SNTG1: variants seen among roughly 807,000 people sequenced by gnomAD.
The protein encoded by SNTG1 is gamma-1-syntrophin.
Under a neutral mutation model 74.7 loss-of-function variants are expected in SNTG1, and 39 were observed. That is an observed-to-expected ratio of 0.52 (90% CI 0.40 to 0.68). The LOEUF is 0.68. Ranked by LOEUF, SNTG1 falls within the 30% of genes least tolerant of loss-of-function variation. The pLI is 0.00. For synonymous variants in SNTG1, 254 were observed against 217.1 expected (o/e 1.17, Z -1.49); for missense variants, 685 against 609.5 (o/e 1.12, Z -1.30).
chr8:50,180,924 C>A (rs1390962610), intron 2 of SNTG1, among the ~76,000 whole-genome samples: 1 of 152,026 alleles, frequency 6.6e-6, no homozygotes, highest in Admixed American at 6.6e-5. Flanking sequence ...CCATGCCTGG[C>A]TAAATTTTTT....
intron 2 of SNTG1, among the ~76,000 whole-genome samples, chr8:50,333,847 C>CTAAGGTAA (rs1391572498): frequency 6.6e-6 from 1 of 152,170 alleles, no homozygotes; most frequent in Non-Finnish European, 1.5e-5. Context: ...ATTAAGACTA[C>CTAAGGTAA]TAAGGTAATT....
chr8:50,208,746 A>G (rs2131891170), intron 2 of SNTG1, among the ~76,000 whole-genome samples: 1 of 152,210 alleles, frequency 6.6e-6, no homozygotes, highest in South Asian at 2.1e-4. Flanking sequence ...AGCTTTTGTA[A>G]GGCAGGCCTG....
At chr8:50,566,852 T>C (rs907117450) in intron 12 of SNTG1, among the ~76,000 whole-genome samples, 2 of 152,060 alleles carry the variant, frequency 1.3e-5, no homozygotes. Flanking sequence ...AATTTGCTCC[T>C]TAGAAACAGA....
intron 2 of SNTG1, among the ~76,000 whole-genome samples, chr8:50,330,098 C>T (rs558420865): frequency 6.6e-6 from 1 of 152,244 alleles, no homozygotes; most frequent in South Asian, 2.1e-4. Context: ...AATTTCATCC[C>T]ATAATCCCCA....
At chr8:49,922,216 T>C (rs1806610722) in intron 1 of SNTG1, among the ~76,000 whole-genome samples, 1 of 152,166 alleles carries the variant, frequency 6.6e-6, no homozygotes, top group Non-Finnish European at 1.5e-5. Flanking sequence ...AACAGAAGTT[T>C]GCTTTTGTCT....
At chr8:50,738,942 C>T (rs181732206) in intron 17 of SNTG1, among the ~76,000 whole-genome samples, 29 of 152,108 alleles carry the variant, frequency 1.9e-4, no homozygotes, top group South Asian at 1.2e-3. Flanking sequence ...AAACATAAGA[C>T]GTAAAACCAT....
intron 2 of SNTG1, among the ~76,000 whole-genome samples, chr8:50,307,425 TA>T (rs1436139844): frequency 1.3e-5 from 2 of 152,050 alleles, no homozygotes; most frequent in Non-Finnish European, 2.9e-5. Flanking sequence ...ATTATAATTT[TA>T]ATTCATATTT....
At chr8:50,282,688 C>T (rs1286391332) in intron 2 of SNTG1, among the ~76,000 whole-genome samples, 13 of 152,152 alleles carry the variant, frequency 8.5e-5, no homozygotes, top group Admixed American at 2.0e-4. Flanking sequence ...ATCACTTGAA[C>T]CCAGGAGGCG....
At chr8:50,745,175 A>G (rs1234013758) in intron 17 of SNTG1, among the ~76,000 whole-genome samples, 1 of 152,050 alleles carries the variant, frequency 6.6e-6, no homozygotes, top group Admixed American at 6.6e-5. Flanking sequence ...AATATCCAAA[A>G]TGTATAAAAT....
chr8:50,401,597 G>C (rs1381153300), intron 3 of SNTG1, among the ~76,000 whole-genome samples: 1 of 151,994 alleles, frequency 6.6e-6, no homozygotes, highest in African/African-American at 2.4e-5. Flanking sequence ...CTGTGTGTGT[G>C]TGTGTGTATG....
chr8:49,938,843 G>T (rs1403081413), intron 1 of SNTG1, among the ~76,000 whole-genome samples: 1 of 151,494 alleles, frequency 6.6e-6, no homozygotes, highest in African/African-American at 2.4e-5. Flanking sequence ...TCTAGATGTT[G>T]CTCTTTTCCT....
At chr8:50,312,193 A>G (rs2090139154) in intron 2 of SNTG1, among the ~76,000 whole-genome samples, 1 of 152,132 alleles carries the variant, frequency 6.6e-6, no homozygotes, top group Non-Finnish European at 1.5e-5. Context: ...ATCCAAAGCT[A>G]TTAGAGTGAA....
At chr8:50,273,235 A>G (rs966993126) in intron 2 of SNTG1, among the ~76,000 whole-genome samples, 7 of 152,186 alleles carry the variant, frequency 4.6e-5, no homozygotes, top group Non-Finnish European at 5.9e-5. Context: ...AGCAGCCTTC[A>G]GAATACAATT....
chr8:50,455,941 T>C (rs996006248), intron 8 of SNTG1, among the ~76,000 whole-genome samples: 18 of 152,252 alleles, frequency 1.2e-4, no homozygotes, highest in African/African-American at 3.9e-4. Context: ...TAGTTTTTCT[T>C]TGAATTAACT....
chr8:50,588,276 A>G (rs898343663), intron 12 of SNTG1, among the ~76,000 whole-genome samples: 1 of 152,154 alleles, frequency 6.6e-6, no homozygotes, highest in Non-Finnish European at 1.5e-5. Flanking sequence ...TTTAAAATGG[A>G]TGTGGGTGTG....
intron 18 of SNTG1, among the ~76,000 whole-genome samples, chr8:50,789,144 A>G (rs1370235716): frequency 2.0e-5 from 3 of 151,828 alleles, no homozygotes; most frequent in African/African-American, 7.3e-5. Context: ...CTTCACATGC[A>G]GGCTCTCATG....
chr8:50,327,879 T>C (rs2090815374), intron 2 of SNTG1, among the ~76,000 whole-genome samples: 1 of 152,134 alleles, frequency 6.6e-6, no homozygotes, highest in Admixed American at 6.5e-5. Flanking sequence ...ACATTTACAC[T>C]GAATCTAAAG....
intron 1 of SNTG1, among the ~76,000 whole-genome samples, chr8:49,954,286 C>A (rs2129395712): frequency 6.6e-6 from 1 of 152,266 alleles, no homozygotes. Flanking sequence ...AGGCCACATT[C>A]AGAGAGATGT....
chr8:50,531,967 A>G lies in SNTG1; in HGVS notation c.549+1708A>G, dbSNP rs115105684. ...TCCATTGACATATAGAAAAACATAT[A>G]TAGAATAATGTCCTTCCTTATAAAA... On this transcript the variant is annotated intron_variant, in intron 10 of 18. Coordinates refer to ENST00000642720, the MANE Select transcript of SNTG1 (RefSeq NM_018967.5). Among the ~76,000 whole-genome samples, 766 of 152,328 alleles carry G rather than the reference A, an allele frequency of 5.0e-3. 4 individuals are homozygous for G. Among genetic ancestry groups the G allele is most frequent in the African/African-American group, 0.018 (736 of 41,574 alleles).
Sources: gnomAD v4.1 joint callset for allele counts (sites outside exome capture counted in the v4.1 genomes callset) on GRCh38, gnomAD v4.1.1 for gene constraint, MANE v1.5 for transcripts, NCBI Gene and HGNC (gene_info 2026-07-23, HGNC 2026-07-21) for gene names.